The following ACER3 variants were observed in gnomAD, a reference collection of about 807,000 sequenced individuals.
ACER3 encodes the protein alkaline ceramidase 3.
ACER3 carries 16 observed loss-of-function variants against 48.9 expected under a neutral mutation model. The ratio of observed to expected loss-of-function variants is 0.33; its 90% CI spans 0.22 to 0.50. The LOEUF (loss-of-function observed/expected upper bound fraction) is 0.50. Ranked by LOEUF, ACER3 falls within the 20% of genes least tolerant of loss-of-function variation. The pLI, the probability that ACER3 is intolerant of heterozygous loss-of-function variation, is 0.98. For synonymous variants in ACER3, 109 were observed against 107.8 expected (o/e 1.01, Z -0.07); for missense variants, 227 against 326.0 (o/e 0.70, Z 2.34).
intron 1 of ACER3, among the ~76,000 whole-genome samples, chr11:76,902,468 C>T (rs1590905273): frequency 1.3e-5 from 2 of 152,154 alleles, no homozygotes; most frequent in South Asian, 4.1e-4. Flanking sequence ...TTCACAAATT[C>T]CCTTTTTGTT....
At chr11:77,002,227 T>C (rs996407174) in intron 7 of ACER3, among the ~76,000 whole-genome samples, 18 of 152,222 alleles carry the variant, frequency 1.2e-4, no homozygotes, top group African/African-American at 4.3e-4. Context: ...GGAAACACAC[T>C]ATATCCTCTA....
intron 3 of ACER3, among the ~76,000 whole-genome samples, chr11:76,967,265 T>C (rs1025861109): frequency 3.3e-5 from 5 of 152,098 alleles, no homozygotes; most frequent in South Asian, 2.1e-4. Flanking sequence ...CAGGAAGAAG[T>C]TGAATCTCCG....
rs1263961627 is a variant in ACER3, at chr11:77,025,836, G to T, written c.*5509G>T. 1.3e-5 allele frequency: 2 copies of T among 152,184 alleles called. No individual in the cohort carries two copies. Among genetic ancestry groups the T allele is most frequent in the African/African-American group, 4.8e-5 (2 of 41,442 alleles). 9.4% of individuals were successfully genotyped at this position (152,184 alleles called of 1,614,324 possible). ...CCCCTGCTCTAGACTGTCAGCAAGT[G>T]GTACAGTGGTACAGTACAGTGGTAC... On this transcript the variant is annotated 3_prime_UTR_variant, in exon 11 of 11. Transcript: ENST00000532485.
At chr11:76,983,949 G>A (rs1591030349) in intron 4 of ACER3, among the ~76,000 whole-genome samples, 1 of 151,908 alleles carries the variant, frequency 6.6e-6, no homozygotes, top group South Asian at 2.1e-4. Flanking sequence ...CACCTGCAAC[G>A]ACTAATTTTT....
Position 76,996,273 on chromosome 11 carries a change from G to A in ACER3, c.439-2490G>A, listed in dbSNP as rs191607018. Among the ~76,000 whole-genome samples, 48 of 152,038 alleles carry A rather than the reference G, an allele frequency of 3.2e-4. 1 individual carries two copies. The East Asian group carries it at 4.8e-3, about 15-fold the overall frequency. On this transcript the variant is annotated intron_variant, in intron 6 of 10. Transcript: ENST00000532485. Reference sequence around the variant, plus strand: ...TCTCTCACTTAGATTACTGCAACACGTTATCATTGGTCTGTTTCCTGTCAG... The same window carrying A: ...TCTCTCACTTAGATTACTGCAACACATTATCATTGGTCTGTTTCCTGTCAG...
intron 1 of ACER3, among the ~76,000 whole-genome samples, chr11:76,867,263 G>A (rs528660550): frequency 6.5e-4 from 99 of 152,038 alleles, no homozygotes; most frequent in South Asian, 2.3e-3. Flanking sequence ...GAGGTCACGA[G>A]TTGGAGACCA....
chr11:76,957,284 A>G (rs1457826071), intron 2 of ACER3, among the ~76,000 whole-genome samples: 1 of 152,230 alleles, frequency 6.6e-6, no homozygotes, highest in African/African-American at 2.4e-5. Context: ...TCAGAAAAAA[A>G]AGCTTTATTA....
In ACER3 at chr11:77,005,972, C is replaced by CATAT. The variant is rs61113921; in HGVS notation, c.497+7168_497+7171dup. Reference sequence around the variant, plus strand: ...TATATATGTATATTATATATATATACATATATATATATATATATATTTTTT... The same window carrying CATAT: ...TATATATGTATATTATATATATATACATATATATATATATATATATATATTTTTT... On this transcript the variant is annotated intron_variant, in intron 7 of 10. Coordinates refer to ENST00000532485, the MANE Select transcript of ACER3 (RefSeq NM_018367.7). Among the ~76,000 whole-genome samples the CATAT allele has an allele frequency of 2.7e-4, 29 of 107,078 alleles. 1 individual carries two copies. Among genetic ancestry groups the CATAT allele is most frequent in the African/African-American group, 8.8e-4 (25 of 28,524 alleles). 70.2% of individuals were successfully genotyped at this position (107,078 alleles called of 152,430 possible). A position where few individuals can be genotyped will look rare whatever the true frequency, so the allele number is the denominator to read the frequency against.
At position 77,003,207 on chromosome 11, in the gene ACER3, G is replaced by A. The variant is rs1455726561; in HGVS notation, c.497+4386G>A. Among the ~76,000 whole-genome samples the A allele has an allele frequency of 3.3e-5, 5 of 152,186 alleles. No homozygotes were observed. In the East Asian group the frequency reaches 7.7e-4, roughly 23 times the overall value. Reference sequence around the variant, plus strand: ...GTTCAGCTTCTTTAATAGTCATGCCGTTATTCACTTTTTTCTTTTTTCTTC... The same window carrying A: ...GTTCAGCTTCTTTAATAGTCATGCCATTATTCACTTTTTTCTTTTTTCTTC... On this transcript the variant is annotated intron_variant, in intron 7 of 10. Coordinates refer to ENST00000532485, the MANE Select transcript of ACER3 (RefSeq NM_018367.7).
chr11:76,869,337 G>A (rs1029582341), intron 1 of ACER3, among the ~76,000 whole-genome samples: 3 of 152,226 alleles, frequency 2.0e-5, no homozygotes, highest in Non-Finnish European at 4.4e-5. Flanking sequence ...TATGCAGACA[G>A]CATCCAAGTC....
intron 3 of ACER3, among the ~76,000 whole-genome samples, chr11:76,973,315 C>A (rs186546208): frequency 7.5e-4 from 114 of 152,300 alleles, no homozygotes; most frequent in Non-Finnish European, 1.6e-4. Flanking sequence ...GAGATACCCC[C>A]CTGTGCCCCA....
At chr11:76,983,353 C>G (rs192008805) in intron 4 of ACER3, among the ~76,000 whole-genome samples, 2 of 152,140 alleles carry the variant, frequency 1.3e-5, no homozygotes. Flanking sequence ...GGGTCTGGCT[C>G]TCACCCAGGC....
At chr11:76,916,028 A>G (rs1464556346) in intron 1 of ACER3, among the ~76,000 whole-genome samples, 1 of 152,240 alleles carries the variant, frequency 6.6e-6, no homozygotes, top group African/African-American at 2.4e-5. Context: ...TTTAACAGTA[A>G]TAAATCATCT....
chr11:76,973,801 C>G (rs546628675), intron 3 of ACER3, among the ~76,000 whole-genome samples: 2 of 152,184 alleles, frequency 1.3e-5, no homozygotes, highest in African/African-American at 4.8e-5. Context: ...AGCTAAAAAA[C>G]TATTGCCTAA....
At position 76,985,933 on chromosome 11, in the gene ACER3, A is replaced by G. The variant is rs1948677326; in HGVS notation, c.402+209A>G. Among the ~76,000 whole-genome samples the G allele has an allele frequency of 1.3e-5, 2 of 152,340 alleles. 1 individual carries two copies. The highest frequency in any genetic ancestry group is 4.1e-4 in the South Asian group (2 of 4,824). On this transcript the variant is annotated intron_variant, in intron 5 of 10. Coordinates refer to ENST00000532485, the MANE Select transcript of ACER3 (RefSeq NM_018367.7). ...TTGAAATACTTTTAAAAATCTGTTT[A>G]GTTTTTAAAGGGAAAAAGCAAAAAA...
chr11:77,019,265 C>A (rs11237058), intron 9 of ACER3, among the ~76,000 whole-genome samples: 8,986 of 152,252 alleles, frequency 0.059, 285 homozygotes, highest in Middle Eastern at 0.13. Context: ...TCGAGACCAG[C>A]CTGACCAACA....
In ACER3 at chr11:76,866,129, C is replaced by G. The variant is rs535379000; in HGVS notation, c.103+5050C>G. On this transcript the variant is annotated intron_variant, in intron 1 of 10. Transcript: ENST00000532485. ...GTGTGAGCCACTGCACCCAGCCCCT[C>G]AGACTACATATTTAGAGTCCCTTGA... 1.4e-3 allele frequency among the ~76,000 whole-genome samples: 220 copies of G among 152,154 alleles called. 1 individual carries two copies. The highest frequency in any genetic ancestry group is 5.2e-3 in the African/African-American group (216 of 41,514).
intron 6 of ACER3, among the ~76,000 whole-genome samples, chr11:76,993,317 A>G (rs756721380): frequency 1.3e-5 from 2 of 152,210 alleles, no homozygotes; most frequent in Non-Finnish European, 2.9e-5. Context: ...AAGTTTGAGG[A>G]TTGAATGAAA....
chr11:76,940,483 A>G (rs1947308154), intron 2 of ACER3, among the ~76,000 whole-genome samples: 1 of 152,216 alleles, frequency 6.6e-6, no homozygotes, highest in Non-Finnish European at 1.5e-5. Flanking sequence ...ATTTATTGGT[A>G]TACTATCATC....
Sources: gnomAD v4.1 joint callset for allele counts (sites outside exome capture counted in the v4.1 genomes callset) on GRCh38, gnomAD v4.1.1 for gene constraint, MANE v1.5 for transcripts, NCBI Gene and HGNC (gene_info 2026-07-23, HGNC 2026-07-21) for gene names.